Variants in HADHB observed in about 807,000 individuals in gnomAD.
The protein encoded by HADHB is trifunctional enzyme subunit beta, mitochondrial.
In HADHB, 50 loss-of-function variants were observed where a neutral mutation model predicts 61.9. The observed-to-expected ratio is 0.81, with a 90% confidence interval of 0.64 to 1.02. HADHB has a LOEUF of 1.02. Among genes scored for constraint, HADHB ranks in the 50% least tolerant of loss-of-function variants. The pLI is 0.00. For synonymous variants in HADHB, 191 were observed against 201.6 expected, an observed-to-expected ratio of 0.95 and a Z score of 0.45; for missense variants, 504 against 586.5, an observed-to-expected ratio of 0.86 and a Z score of 1.45.
chr2:26,264,931 A>C (rs920952813), intron 4 of HADHB, among the ~76,000 whole-genome samples: 1 of 151,640 alleles, frequency 6.6e-6, no homozygotes, highest in African/African-American at 2.4e-5. Flanking sequence ...TGGAGGTTGC[A>C]GTGAGCCAAG....
chr2:26,290,092 T>C lies in HADHB; in HGVS notation c.*139T>C, dbSNP rs1673209564. The C allele has an allele frequency of 1.3e-6, 1 of 750,514 alleles. No homozygotes were observed. Among genetic ancestry groups the C allele is most frequent in the East Asian group, 2.5e-5 (1 of 40,350 alleles). 46.5% of individuals were successfully genotyped at this position (750,514 alleles called of 1,614,324 possible). On this transcript the variant is annotated 3_prime_UTR_variant, in exon 16 of 16. Coordinates refer to ENST00000317799, the MANE Select transcript of HADHB (RefSeq NM_000183.3). ...TCTTGTGGCCTTCTATTAAATAGTT[T>C]GCACTTAAGCCTTGCCAGTGTTCTG...
chr2:26,285,727 T>G (rs568371197), intron 15 of HADHB, among the ~76,000 whole-genome samples, 156 bp downstream of exon 15: 1 of 142,834 alleles, frequency 7.0e-6, no homozygotes, highest in Admixed American at 7.1e-5. Context: ...GATAAAACTT[T>G]TTGTTTTTTG....
At chr2:26,253,359 A>G (rs1180485405) in intron 1 of HADHB, among the ~76,000 whole-genome samples, 1 of 152,246 alleles carries the variant, frequency 6.6e-6, no homozygotes, top group African/African-American at 2.4e-5. Context: ...AGTTGCTGAC[A>G]TGATGCTTCA....
At chr2:26,269,527 A>C (rs978096677) in intron 4 of HADHB, among the ~76,000 whole-genome samples, 1 of 152,152 alleles carries the variant, frequency 6.6e-6, no homozygotes, top group Admixed American at 6.5e-5. Flanking sequence ...GTAAATCTCA[A>C]GTTACTTAAA....
At chr2:26,254,741 C>T (rs1234081756) in intron 3 of HADHB, 9 of 429,904 alleles carry the variant, frequency 2.1e-5, no homozygotes, top group Middle Eastern at 6.8e-4. Flanking sequence ...CCATAAACCT[C>T]GTTGGTCAGT....
At position 26,254,426 on chromosome 2, in the gene HADHB, C is replaced by A; in HGVS notation, c.65-4C>A. 6.2e-7 allele frequency: 1 copy of A among 1,601,140 alleles called. No individual in the cohort carries two copies. The highest frequency in any genetic ancestry group is 1.7e-4 in the Middle Eastern group (1 of 6,036). On this transcript the variant is annotated splice_region_variant and splice_polypyrimidine_tract_variant and intron_variant, in intron 2 of 15. Transcript: ENST00000317799. The stretch of plus-strand genomic sequence containing the variant: ...TTTTGTAAACAGTTTATTTTGTCTT[C>A]CAGCCATAAGACCTCTGAGCTGTTC...
chr2:26,279,246 T>C lies in HADHB; in HGVS notation c.742T>C (p.Ser248Pro). 1.2e-6 allele frequency: 2 copies of C among 1,613,176 alleles called. No individual in the cohort carries two copies. ...RLEQDEYALRSHSLAKKAQDE... is the reference protein window; with the variant it reads ...RLEQDEYALRPHSLAKKAQDE... ...GGAACAGGATGAATATGCACTGCGC[T>C]CTCACAGTCTAGCCAAGAAGGCACA... The change falls in exon 9 of 16, where the codon TCT (serine) becomes CCT (proline). Residue 248 changes from serine (S) to proline (P), a missense_variant. Coordinates refer to ENST00000317799, the MANE Select transcript of HADHB (RefSeq NM_000183.3).
In HADHB at chr2:26,279,196, C is replaced by CCGCT. The variant is rs745646607; in HGVS notation, c.693_696dup (p.Ala233ArgfsTer12). 30 of 1,613,732 alleles carry CCGCT rather than the reference C, an allele frequency of 1.9e-5. No individual in the cohort carries two copies. Among genetic ancestry groups the CCGCT allele is most frequent in the Non-Finnish European group, 2.5e-5 (30 of 1,179,770 alleles). Reference sequence around the variant, plus strand: ...ATGGGCCACTCTGCAGACCGACTGGCCGCTGCCTTTGCTGTTTCTCGGCTG... The same window carrying CCGCT: ...ATGGGCCACTCTGCAGACCGACTGGCCGCTCGCTGCCTTTGCTGTTTCTCGGCTG... On this transcript the variant is annotated frameshift_variant, in exon 9 of 16. Transcript: ENST00000317799. LOFTEE classifies it high-confidence loss of function.
chr2:26,269,958 A>G lies in HADHB; in HGVS notation c.215A>G (p.Lys72Arg). 1 of 1,606,624 alleles carries G rather than the reference A, an allele frequency of 6.2e-7. No homozygotes were observed. Among genetic ancestry groups the G allele is most frequent in the Non-Finnish European group, 8.5e-7 (1 of 1,173,146 alleles). Reference protein sequence around the residue: ...TPFLLSGTSYKDLMPHDLARA... With the variant: ...TPFLLSGTSYRDLMPHDLARA... ...TACTGGTTTTCGTTCCCCAGATATAAAGACCTGATGCCACATGATTTGGCT... is the reference window on the plus strand; with the variant it reads ...TACTGGTTTTCGTTCCCCAGATATAGAGACCTGATGCCACATGATTTGGCT... The change falls in exon 5 of 16, where the codon AAA becomes AGA. Residue 72 changes from lysine to arginine, a missense_variant. Coordinates refer to ENST00000317799, the MANE Select transcript of HADHB (RefSeq NM_000183.3).
At chr2:26,255,138 A>G (rs1671554070) in intron 3 of HADHB, among the ~76,000 whole-genome samples, 1 of 152,128 alleles carries the variant, frequency 6.6e-6, no homozygotes, top group Non-Finnish European at 1.5e-5. Flanking sequence ...CCTTGCCTAG[A>G]TTCTGTATTG....
chr2:26,289,437 T>C (rs1370067748), intron 15 of HADHB, among the ~76,000 whole-genome samples: 2 of 152,072 alleles, frequency 1.3e-5, no homozygotes, highest in Admixed American at 6.5e-5. Context: ...GTGAGTCACT[T>C]AACCTTTCAG....
At chr2:26,252,005 C>T (rs981211665) in intron 1 of HADHB, among the ~76,000 whole-genome samples, 11 of 152,182 alleles carry the variant, frequency 7.2e-5, no homozygotes, top group Non-Finnish European at 1.6e-4. Context: ...GGGCTGGAGT[C>T]AGCTGAAAGC....
At chr2:26,246,632 C>T (rs555185454) in intron 1 of HADHB, among the ~76,000 whole-genome samples, 6 of 152,120 alleles carry the variant, frequency 3.9e-5, no homozygotes, top group Admixed American at 2.6e-4. Context: ...TGAGCCACCA[C>T]GCCCGACCTT....
chr2:26,258,154 G>A (rs1005339483), intron 3 of HADHB, among the ~76,000 whole-genome samples: 2 of 152,218 alleles, frequency 1.3e-5, no homozygotes, highest in African/African-American at 4.8e-5. Flanking sequence ...GGCTGTGCTA[G>A]CTTCAAGCAG....
Position 26,268,254 on chromosome 2 carries a change from A to G in HADHB, c.210-1699A>G, listed in dbSNP as rs6751308. Among the ~76,000 whole-genome samples, 956 of 152,350 alleles carry G rather than the reference A, an allele frequency of 6.3e-3. 8 individuals are homozygous for G. Among genetic ancestry groups the G allele is most frequent in the African/African-American group, 0.021 (894 of 41,582 alleles). ...ATTAGGTGAAATGCTAAGAAGAAAC[A>G]GAATATTTGCATAGTCTCAGAGAAT... is the stretch of plus-strand genomic sequence containing the variant. On this transcript the variant is annotated intron_variant, in intron 4 of 15. Transcript: ENST00000317799.
chr2:26,247,572 C>T (rs1671216679), intron 1 of HADHB, among the ~76,000 whole-genome samples: 1 of 152,032 alleles, frequency 6.6e-6, no homozygotes, highest in South Asian at 2.1e-4. Flanking sequence ...TACAGTCGGC[C>T]CTTGGTATCT....
rs142770784 is a variant in HADHB at position 26,285,208 on chromosome 2, C to T, written c.1225-199C>T. 1.7e-3 allele frequency among the ~76,000 whole-genome samples: 265 copies of T among 152,240 alleles called. 1 individual carries two copies. Among genetic ancestry groups the T allele is most frequent in the African/African-American group, 5.8e-3 (242 of 41,548 alleles). On this transcript the variant is annotated intron_variant, in intron 14 of 15. Transcript: ENST00000317799. ...TTCTGTGTTTTTTGTTCCTTGCATT[C>T]TGACATTAGATGAAAAATAAATGGA...
chr2:26,271,175 G>A (rs1372002724), intron 5 of HADHB, among the ~76,000 whole-genome samples: 57 of 149,694 alleles, frequency 3.8e-4, no homozygotes, highest in Non-Finnish European at 6.8e-4. Context: ...GCTTACAGGT[G>A]TGAGCCACTG....
intron 4 of HADHB, among the ~76,000 whole-genome samples, chr2:26,266,376 G>C (rs760436239): frequency 1.5e-4 from 23 of 152,262 alleles, no homozygotes; most frequent in African/African-American, 5.1e-4. Context: ...TGAGTCTTCT[G>C]TAATAGAAGA....
Sources: allele counts gnomAD v4.1 joint callset (sites outside exome capture counted in the v4.1 genomes callset), GRCh38; gene constraint gnomAD v4.1.1; transcripts MANE v1.5; gene names NCBI Gene and HGNC (gene_info 2026-07-23, HGNC 2026-07-21).